MAPK3: variants seen among roughly 807,000 people sequenced by gnomAD.
MAPK3 encodes the protein mitogen-activated protein kinase 3.
In MAPK3, 30 loss-of-function variants were observed where a neutral mutation model predicts 41.8. That is an observed-to-expected ratio of 0.72 (90% CI 0.54 to 0.97). The LOEUF (loss-of-function observed/expected upper bound fraction) is 0.97, where lower values mean the gene tolerates loss of function less well. MAPK3 is among the 50% of genes least tolerant of loss of function. The probability of loss-of-function intolerance (pLI) is 0.00; values close to 1 mark genes in which losing one functional copy is unlikely to be tolerated. For synonymous variants in MAPK3, 222 were observed against 213.4 expected (o/e 1.04, Z -0.35); for missense variants, 413 against 509.9 (o/e 0.81, Z 1.83).
At chr16:30,115,642 G>C (rs897308781) in intron 8 of MAPK3, 2 of 152,236 alleles carry the variant, frequency 1.3e-5, no homozygotes, top group African/African-American at 4.8e-5. Flanking sequence ...TGCCAGTTCT[G>C]TTCCTAGAAG....
At chr16:30,122,393 G>T in intron 1 of MAPK3, 1 of 324,890 alleles carries the variant, frequency 3.1e-6, no homozygotes, top group Non-Finnish European at 5.9e-6. Context: ...TGGCAGCCAG[G>T]GGAGGGGCAG....
chr16:30,119,154 A>AT (rs1464961860), intron 2 of MAPK3, among the ~76,000 whole-genome samples: 31 of 122,040 alleles, frequency 2.5e-4, no homozygotes, highest in East Asian at 7.0e-4. Context: ...AAATAAATAA[A>AT]TTAAAAAAAA....
intron 1 of MAPK3, chr16:30,122,816 A>C: frequency 2.4e-6 from 1 of 412,306 alleles, no homozygotes; most frequent in Non-Finnish European, 4.3e-6. Context: ...AGAAGGGTGG[A>C]CTCAAAGCCT....
chr16:30,116,563 G>T, intron 8 of MAPK3, 73 bp downstream of exon 8: 3 of 1,440,110 alleles, frequency 2.1e-6, no homozygotes, highest in South Asian at 2.5e-5. Flanking sequence ...TGTACAGATA[G>T]ATATAGATAT....
At position 30,123,172 on chromosome 16, in the gene MAPK3, TC is replaced by T; in HGVS notation, c.37del (p.Glu13SerfsTer19). Reference sequence around the variant, plus strand: ...GCCGACCCCCTCGGTTCTACGGGGCTCCCCGCCCCCGCCCCCCTGAGCCGCC... The same window carrying T: ...GCCGACCCCCTCGGTTCTACGGGGCTCCCGCCCCCGCCCCCCTGAGCCGCC... ...AAAAQGGGGG[E>X]PRRTEGVGPG... is the part of the protein sequence containing the mutation. On this transcript the variant is annotated frameshift_variant, in exon 1 of 9. Transcript: ENST00000263025. LOFTEE classifies it high-confidence loss of function. The T allele has an allele frequency of 7.6e-7, 1 of 1,322,488 alleles. No homozygotes were observed. The highest frequency in any genetic ancestry group is 1.0e-6 in the Non-Finnish European group (1 of 991,982). The allele number at this position is 1,322,488 out of a possible 1,614,324, so 81.9% of individuals were successfully genotyped here.
chr16:30,116,613 G>C, intron 8 of MAPK3, 23 bp downstream of exon 8: 2 of 1,604,436 alleles, frequency 1.2e-6, no homozygotes, highest in South Asian at 2.2e-5. Flanking sequence ...GGGTGTCCAT[G>C]TGTGGGCCAT....
At chr16:30,115,182 G>T (rs1193338696) in intron 8 of MAPK3, among the ~76,000 whole-genome samples, 1 of 152,002 alleles carries the variant, frequency 6.6e-6, no homozygotes, top group Non-Finnish European at 1.5e-5. Flanking sequence ...TTGCACCACT[G>T]CATTCCAGCC....
chr16:30,116,055 C>T (rs1306694733), intron 8 of MAPK3: 1 of 72,632 alleles, frequency 1.4e-5, no homozygotes, highest in Admixed American at 1.6e-4. Context: ...TGTGCCCAGC[C>T]CTTTTTTTTT....
At chr16:30,117,636 T>C (rs776254853) in intron 5 of MAPK3, 34 bp downstream of exon 5, 4 of 1,545,444 alleles carry the variant, frequency 2.6e-6, no homozygotes, top group Non-Finnish European at 3.6e-6. Context: ...GAAAAGCTAA[T>C]CATCCCCAAC....
chr16:30,117,185 C>G lies in MAPK3; in HGVS notation c.876G>C (p.Trp292Cys). 6.2e-7 allele frequency: 1 copy of G among 1,614,132 alleles called. No individual in the cohort carries two copies. Among genetic ancestry groups the G allele is most frequent in the South Asian group, 1.1e-5 (1 of 91,074 alleles). ...QSLPSKTKVA[W>C]AKLFPKSDSK... is the part of the protein sequence containing the mutation. Reference sequence around the variant, plus strand: ...AGTCTGACTTGGGGAAAAGCTTGGCCCAAGCCACCTTGGTCTTGGAGGGCA... The same window carrying G: ...AGTCTGACTTGGGGAAAAGCTTGGCGCAAGCCACCTTGGTCTTGGAGGGCA... The change falls in exon 6 of 9, where the codon TGG becomes TGC. Residue 292 changes from tryptophan to cysteine, a missense_variant. Transcript: ENST00000263025.
At chr16:30,119,037 G>A (rs966860324) in intron 2 of MAPK3, among the ~76,000 whole-genome samples, 72 of 152,100 alleles carry the variant, frequency 4.7e-4, no homozygotes, top group African/African-American at 1.7e-3. Flanking sequence ...AGCTACTCAG[G>A]AGGCTGCAGC....
rs2073019772 is a variant in MAPK3, at chr16:30,121,937, G to T, written c.240C>A (p.Thr80=). Residue 80 remains threonine, a synonymous_variant, in exon 2 of 9, where the codon ACC becomes ACA. Coordinates refer to ENST00000263025, the MANE Select transcript of MAPK3 (RefSeq NM_002746.3). ...IKKISPFEHQ[T]YCQRTLREIQ... ...TCTCCCGGAGCGTGCGCTGGCAGTA[G>T]GTCTGATGTTCGAAGGGGCTGATCT... 17 of 1,614,074 alleles carry T rather than the reference G, an allele frequency of 1.1e-5. No individual in the cohort carries two copies. The highest frequency in any genetic ancestry group is 1.7e-5 in the Admixed American group (1 of 60,002).
rs752160275 is a variant in MAPK3 at position 30,118,547 on chromosome 16, G to A, written c.354-9C>T. 2 of 1,606,854 alleles carry A rather than the reference G, an allele frequency of 1.2e-6. No individual in the cohort carries two copies. Among genetic ancestry groups the A allele is most frequent in the Non-Finnish European group, 1.7e-6 (2 of 1,175,698 alleles). ...GGTCCTGCACAATGTAGCTGAGGAT[G>A]GTTCCGCAGACCCCCCCAGGCAGGG... is the stretch of plus-strand genomic sequence containing the variant. On this transcript the variant is annotated splice_polypyrimidine_tract_variant and intron_variant, in intron 2 of 8. Coordinates refer to ENST00000263025, the MANE Select transcript of MAPK3 (RefSeq NM_002746.3).
Position 30,117,274 on chromosome 16 carries a change from A to T in MAPK3, c.787T>A (p.Ser263Thr). The change falls in exon 6 of 9, where the codon TCC becomes ACC. Residue 263 changes from serine (S) to threonine (T), a missense_variant. Ser to Thr is a moderately conservative substitution (Grantham distance 58). Transcript: ENST00000263025. ...QLNHILGILG[S>T]PSQEDLNCII... is the part of the protein sequence containing the mutation. ...CAATTCAGGTCCTCCTGGGATGGGG[A>T]GCCCAGGATGCCTGTGGATAAGGAG... 1 of 1,613,946 alleles carries T rather than the reference A, an allele frequency of 6.2e-7. No individual in the cohort carries two copies. The highest frequency in any genetic ancestry group is 8.5e-7 in the Non-Finnish European group (1 of 1,179,972).
chr16:30,119,024 C>T (rs1197764109), intron 2 of MAPK3, among the ~76,000 whole-genome samples: 1 of 152,064 alleles, frequency 6.6e-6, no homozygotes, highest in Admixed American at 6.5e-5. Context: ...TGCCTGTAAT[C>T]CCAGCTACTC....
At chr16:30,117,550 G>A in intron 5 of MAPK3, 120 bp downstream of exon 5, 1 of 818,804 alleles carries the variant, frequency 1.2e-6, no homozygotes, top group East Asian at 2.4e-5. Flanking sequence ...ATACCTCATT[G>A]AGATACCATG....
intron 2 of MAPK3, among the ~76,000 whole-genome samples, chr16:30,120,109 C>T (rs1322670008): frequency 1.3e-5 from 2 of 152,136 alleles, no homozygotes; most frequent in Non-Finnish European, 2.9e-5. Flanking sequence ...GTGGAGGTTG[C>T]CGTGAGCTGA....
chr16:30,117,850 G>A (rs1370956772), intron 4 of MAPK3, 66 bp from the exon 5 acceptor site: 1 of 1,306,734 alleles, frequency 7.7e-7, no homozygotes, highest in Admixed American at 1.7e-5. Context: ...GTCTGCGCCA[G>A]GCCACCACCT....
Position 30,117,596 on chromosome 16 carries a change from T to C in MAPK3, c.775+74A>G. On this transcript the variant is annotated intron_variant, in intron 5 of 8. Coordinates refer to ENST00000263025, the MANE Select transcript of MAPK3 (RefSeq NM_002746.3). ...GGCACCCCACACGTGGTGGTATCCC[T>C]GACTTGGACTCTCGAGAAATCTCAC... is the stretch of plus-strand genomic sequence containing the variant. 2 of 1,191,648 alleles carry C rather than the reference T, an allele frequency of 1.7e-6. 1 individual carries two copies. The highest frequency in any genetic ancestry group is 2.5e-5 in the South Asian group (2 of 81,092). The allele number at this position is 1,191,648 out of a possible 1,614,324, so 73.8% of individuals were successfully genotyped here.
Sources: allele counts gnomAD v4.1 joint callset (sites outside exome capture counted in the v4.1 genomes callset), GRCh38; gene constraint gnomAD v4.1.1; transcripts MANE v1.5; gene names NCBI Gene and HGNC (gene_info 2026-07-23, HGNC 2026-07-21).